KLHL3: variants seen among roughly 807,000 people sequenced by gnomAD.
The protein encoded by KLHL3 is kelch like family member 3.
KLHL3 carries 19 observed loss-of-function variants against 70.5 expected under a neutral mutation model. The ratio of observed to expected loss-of-function variants is 0.27; its 90% CI spans 0.19 to 0.40. The LOEUF (loss-of-function observed/expected upper bound fraction) is 0.40, where lower values mean the gene tolerates loss of function less well. Among genes scored for constraint, KLHL3 ranks in the 10% least tolerant of loss-of-function variants. The pLI is 1.00. For synonymous variants in KLHL3, 258 were observed against 290.3 expected (o/e 0.89, Z 1.13); for missense variants, 512 against 771.1 (o/e 0.66, Z 3.98).
At chr5:137,689,113 C>T (rs902162523) in intron 5 of KLHL3, among the ~76,000 whole-genome samples, 1 of 152,174 alleles carries the variant, frequency 6.6e-6, no homozygotes, top group Non-Finnish European at 1.5e-5. Context: ...GAGAAATGCA[C>T]ATCAAAACTA....
At chr5:137,672,808 CT>C (rs1751793871) in intron 6 of KLHL3, 1 of 152,232 alleles carries the variant, frequency 6.6e-6, no homozygotes, top group African/African-American at 2.4e-5. Context: ...TATTCTGCCC[CT>C]GGGTCACTGG....
intron 3 of KLHL3, among the ~76,000 whole-genome samples, chr5:137,699,304 C>T (rs1314730543): frequency 2.0e-5 from 3 of 151,938 alleles, no homozygotes; most frequent in African/African-American, 7.3e-5. Flanking sequence ...GGTGAAATGG[C>T]GAGAGGTTGG....
Position 137,698,399 on chromosome 5 carries a change from G to A in KLHL3, c.251C>T (p.Ser84Phe). Reference sequence around the variant, plus strand: ...TTCTATCTTTTTGGCTTTACTCTCAGACATGTCACCTAGAGTTTACAACAA... The same window carrying A: ...TTCTATCTTTTTGGCTTTACTCTCAAACATGTCACCTAGAGTTTACAACAA... ...YFCAMFTGDM[S>F]ESKAKKIEIK... Residue 84 changes from serine to phenylalanine, a missense_variant, in exon 4 of 15, where the codon TCT becomes TTT. Ser to Phe is a radical substitution (Grantham distance 155). Coordinates refer to ENST00000309755, the MANE Select transcript of KLHL3 (RefSeq NM_017415.3). The A allele has an allele frequency of 6.2e-7, 1 of 1,614,114 alleles. No individual in the cohort carries two copies. Among genetic ancestry groups the A allele is most frequent in the Non-Finnish European group, 8.5e-7 (1 of 1,180,012 alleles).
intron 8 of KLHL3, among the ~76,000 whole-genome samples, chr5:137,645,765 C>T (rs1278604660): frequency 1.4e-5 from 2 of 146,816 alleles, no homozygotes; most frequent in Non-Finnish European, 3.0e-5. Flanking sequence ...CCTTATCAAA[C>T]TACCAATGAC....
intron 3 of KLHL3, 70 bp downstream of exon 3, chr5:137,709,680 C>T: frequency 8.1e-7 from 1 of 1,238,342 alleles, no homozygotes; most frequent in Non-Finnish European, 1.2e-6. Flanking sequence ...CCTCATGTCA[C>T]CACCCCCAAC....
At chr5:137,726,310 T>C (rs192628592) in intron 1 of KLHL3, among the ~76,000 whole-genome samples, 3 of 152,268 alleles carry the variant, frequency 2.0e-5, no homozygotes, top group Non-Finnish European at 2.9e-5. Context: ...TCTTGACTAG[T>C]ATTCAAGGAC....
chr5:137,699,864 G>T (rs148247139), intron 3 of KLHL3, among the ~76,000 whole-genome samples: 50 of 152,316 alleles, frequency 3.3e-4, no homozygotes, highest in African/African-American at 1.0e-3. Context: ...GTACAGTACA[G>T]CATGTGGGCT....
intron 6 of KLHL3, chr5:137,673,704 C>T (rs1751818518): frequency 6.6e-6 from 1 of 152,240 alleles, no homozygotes; most frequent in South Asian, 2.1e-4. Flanking sequence ...TCTGCTGAGT[C>T]CTTCCGTGGC....
At chr5:137,711,412 T>C (rs1019795494) in intron 2 of KLHL3, among the ~76,000 whole-genome samples, 4 of 152,190 alleles carry the variant, frequency 2.6e-5, no homozygotes, top group Non-Finnish European at 4.4e-5. Context: ...GACTTTTCCA[T>C]GGTATCACAA....
chr5:137,694,700 A>G (rs903978242), intron 4 of KLHL3, among the ~76,000 whole-genome samples: 4 of 152,194 alleles, frequency 2.6e-5, no homozygotes, highest in Non-Finnish European at 4.4e-5. Context: ...AGGTTGACCA[A>G]TCATGCTGAT....
chr5:137,657,291 T>C (rs1046297955), intron 8 of KLHL3, among the ~76,000 whole-genome samples: 2 of 152,138 alleles, frequency 1.3e-5, no homozygotes, highest in African/African-American at 4.8e-5. Context: ...GTGTCATCAA[T>C]GAGACAACAC....
intron 8 of KLHL3, chr5:137,647,480 A>G: frequency 2.1e-6 from 1 of 467,762 alleles, no homozygotes; most frequent in Middle Eastern, 3.3e-4. Context: ...GGTGAGAGGA[A>G]CAATCTGGGC....
intron 1 of KLHL3, among the ~76,000 whole-genome samples, chr5:137,725,781 T>A (rs1026625493): frequency 1.3e-5 from 2 of 152,212 alleles, no homozygotes; most frequent in African/African-American, 4.8e-5. Context: ...GTAAACTTGC[T>A]TATATGAACC....
rs931317622 is a variant in KLHL3 at position 137,640,100 on chromosome 5, G to A, written c.904-123C>T. On this transcript the variant is annotated intron_variant, in intron 8 of 14. Transcript: ENST00000309755. Reference sequence around the variant, plus strand: ...ATGATCTGAGATGCCAGTTTACAGAGCTACATACATGGGGATGCTGCTCCT... The same window carrying A: ...ATGATCTGAGATGCCAGTTTACAGAACTACATACATGGGGATGCTGCTCCT... The A allele has an allele frequency of 6.6e-5, 51 of 777,630 alleles. 1 individual carries two copies. In the African/African-American group the frequency reaches 7.3e-4, roughly 11 times the overall value. The allele number at this position is 777,630 out of a possible 1,614,324, so 48.2% of individuals were successfully genotyped here.
At chr5:137,722,076 C>A (rs1233561489) in intron 1 of KLHL3, among the ~76,000 whole-genome samples, 1 of 152,180 alleles carries the variant, frequency 6.6e-6, no homozygotes, top group African/African-American at 2.4e-5. Flanking sequence ...CACTCCAACT[C>A]TAGGACAATG....
At chr5:137,633,072 A>T (rs1750677703) in intron 12 of KLHL3, among the ~76,000 whole-genome samples, 1 of 152,070 alleles carries the variant, frequency 6.6e-6, no homozygotes, top group Admixed American at 6.6e-5. Flanking sequence ...TGAGGTCAGG[A>T]GATTGAGACC....
At chr5:137,704,568 C>T (rs989677343) in intron 3 of KLHL3, among the ~76,000 whole-genome samples, 3 of 152,148 alleles carry the variant, frequency 2.0e-5, no homozygotes, top group Non-Finnish European at 4.4e-5. Context: ...TATTCCTTAC[C>T]AATAGTTTAT....
intron 1 of KLHL3, 81 bp from the exon 2 acceptor site, chr5:137,720,665 T>C: frequency 6.3e-7 from 1 of 1,591,560 alleles, no homozygotes; most frequent in East Asian, 2.2e-5. Flanking sequence ...AGCCCATGCA[T>C]TTACCCACCT....
intron 6 of KLHL3, among the ~76,000 whole-genome samples, chr5:137,663,806 G>A (rs1337035039): frequency 2.0e-5 from 3 of 152,146 alleles, no homozygotes; most frequent in South Asian, 4.1e-4. Context: ...ATGTCAAAAA[G>A]AGCCAGCTGG....
Sources: gnomAD v4.1 joint callset for allele counts (sites outside exome capture counted in the v4.1 genomes callset) on GRCh38, gnomAD v4.1.1 for gene constraint, MANE v1.5 for transcripts, NCBI Gene and HGNC (gene_info 2026-07-23, HGNC 2026-07-21) for gene names.